FAP: variants seen among roughly 807,000 people sequenced by gnomAD.
FAP encodes the protein fibroblast activation protein alpha, also known as prolyl endopeptidase FAP.
FAP carries 110 observed loss-of-function variants against 126.5 expected under a neutral mutation model. The observed-to-expected ratio is 0.87, with a 90% CI of 0.74 to 1.02. The LOEUF is 1.02. FAP is among the 50% of genes least tolerant of loss of function. FAP has a pLI of 0.00. For missense variants in FAP, 919 were observed against 909.2 expected, an observed-to-expected ratio of 1.01 and a Z score of -0.14; for synonymous variants, 334 against 297.3, an observed-to-expected ratio of 1.12 and a Z score of -1.27.
chr2:162,233,314 C>T (rs534582918), intron 2 of FAP, among the ~76,000 whole-genome samples: 1 of 152,122 alleles, frequency 6.6e-6, no homozygotes, highest in South Asian at 2.1e-4. Context: ...TTAACCAACA[C>T]CCAGGCCTGC....
intron 11 of FAP, among the ~76,000 whole-genome samples, chr2:162,211,228 T>G (rs1276288969): frequency 6.6e-6 from 1 of 152,182 alleles, no homozygotes; most frequent in Non-Finnish European, 1.5e-5. Flanking sequence ...AACTTTGGAA[T>G]AGTGTTGGAA....
chr2:162,207,811 C>T lies in FAP; in HGVS notation c.1047+2141G>A, dbSNP rs184949222. ...CTGCAAGCTCCGCCTCCCAGGTTCA[C>T]GCCATTCTCTTGCCTCAGCCTCCTG... On this transcript the variant is annotated intron_variant, in intron 12 of 25. Coordinates refer to ENST00000188790, the MANE Select transcript of FAP (RefSeq NM_004460.5). 2.8e-3 allele frequency among the ~76,000 whole-genome samples: 417 copies of T among 151,530 alleles called. 5 individuals are homozygous for T. The highest frequency in any genetic ancestry group is 0.024 in the Admixed American group (363 of 15,194).
At chr2:162,233,759 G>A (rs894323582) in intron 2 of FAP, among the ~76,000 whole-genome samples, 3 of 151,836 alleles carry the variant, frequency 2.0e-5, no homozygotes, top group African/African-American at 4.8e-5. Flanking sequence ...TTTGTTTCTT[G>A]CATTTTTGGT....
intron 17 of FAP, among the ~76,000 whole-genome samples, chr2:162,192,794 T>G (rs1688099653): frequency 6.6e-6 from 1 of 152,102 alleles, no homozygotes; most frequent in Non-Finnish European, 1.5e-5. Flanking sequence ...TAAAAAACCA[T>G]TAGTATCAAG....
At chr2:162,178,829 A>G (rs927228047) in intron 21 of FAP, among the ~76,000 whole-genome samples, 3 of 152,198 alleles carry the variant, frequency 2.0e-5, no homozygotes, top group African/African-American at 4.8e-5. Flanking sequence ...ATTCTTCCCT[A>G]ATACAAAACG....
intron 16 of FAP, 117 bp downstream of exon 16, chr2:162,198,640 G>A: frequency 8.0e-7 from 1 of 1,251,186 alleles, no homozygotes; most frequent in East Asian, 2.3e-5. Flanking sequence ...CACAAGATAA[G>A]ATTCTTACAT....
At chr2:162,209,766 T>C (rs1688851839) in intron 12 of FAP, 186 bp downstream of exon 12, 1 of 564,068 alleles carries the variant, frequency 1.8e-6, no homozygotes, top group African/African-American at 1.9e-5. Flanking sequence ...AATAGAATTC[T>C]AAAAAGGACA....
Position 162,198,825 on chromosome 2 carries a change from T to C in FAP, c.1334A>G (p.Lys445Arg), listed in dbSNP as rs1482760217. 1.2e-6 allele frequency: 2 copies of C among 1,613,970 alleles called. No homozygotes were observed. The highest frequency in any genetic ancestry group is 1.7e-6 in the Non-Finnish European group (2 of 1,179,818). The change falls in exon 16 of 26, where the codon AAA (lysine) becomes AGA (arginine). Residue 445 changes from lysine to arginine, a missense_variant. By Grantham distance (26) the Lys-to-Arg change is conservative. Coordinates refer to ENST00000188790, the MANE Select transcript of FAP (RefSeq NM_004460.5). ...TGCTGTGTAATATTGGCACCTTTCT[T>C]TCCTTAGATGGCAAGTAACACACTT... ...SKKCVTCHLR[K>R]ERCQYYTASF... is the part of the protein sequence containing the mutation.
chr2:162,183,282 CTGACTGTTTCCAT>C, intron 21 of FAP, 119 bp downstream of exon 21: 1 of 767,118 alleles, frequency 1.3e-6, no homozygotes, highest in Non-Finnish European at 2.2e-6. Context: ...ATTATCCAAA[CTGACTGTTTCCAT>C]TGACAGATTA....
chr2:162,204,337 G>A (rs865833260), intron 12 of FAP, among the ~76,000 whole-genome samples: 4 of 152,288 alleles, frequency 2.6e-5, no homozygotes, highest in Middle Eastern at 3.4e-3. Flanking sequence ...TTGATGTGAT[G>A]TCTTTAGTGG....
intron 17 of FAP, among the ~76,000 whole-genome samples, chr2:162,192,377 T>A (rs1467139612): frequency 6.6e-6 from 1 of 152,020 alleles, no homozygotes; most frequent in African/African-American, 2.4e-5. Flanking sequence ...CTCCTTGAGC[T>A]CTTCTCCTCC....
chr2:162,191,962 G>A (rs2106231049), intron 17 of FAP, among the ~76,000 whole-genome samples: 1 of 152,172 alleles, frequency 6.6e-6, no homozygotes, highest in Admixed American at 6.6e-5. Flanking sequence ...CACATCACAA[G>A]AGATTAATCC....
At position 162,188,227 on chromosome 2, in the gene FAP, A is replaced by G; in HGVS notation, c.1756T>C (p.Tyr586His). The change falls in exon 20 of 26, where the codon TAT (tyrosine) becomes CAT (histidine). Residue 586 changes from tyrosine (Y) to histidine (H), a missense_variant. Tyr to His is a moderately conservative substitution (Grantham distance 83). Coordinates refer to ENST00000188790, the MANE Select transcript of FAP (RefSeq NM_004460.5). ...GTAFQGDKLL[Y>H]AVYRKLGVYE... Reference sequence around the variant, plus strand: ...ACACCCAGCTTTCGATACACTGCATAGAGGAGTTTGTCACCTTGGAAAGCT... The same window carrying G: ...ACACCCAGCTTTCGATACACTGCATGGAGGAGTTTGTCACCTTGGAAAGCT... 6.2e-7 allele frequency: 1 copy of G among 1,613,370 alleles called. No individual in the cohort carries two copies. The highest frequency in any genetic ancestry group is 1.1e-5 in the South Asian group (1 of 91,052).
intron 12 of FAP, among the ~76,000 whole-genome samples, chr2:162,207,333 G>A (rs1576168189): frequency 6.6e-6 from 1 of 152,162 alleles, no homozygotes; most frequent in Non-Finnish European, 1.5e-5. Flanking sequence ...AATAATTTTT[G>A]ATAATTTCTC....
At chr2:162,206,112 T>A (rs115673896) in intron 12 of FAP, among the ~76,000 whole-genome samples, 500 of 152,316 alleles carry the variant, frequency 3.3e-3, no homozygotes, top group African/African-American at 0.011. Context: ...TTCTCCCCTT[T>A]CATTGCACAC....
Position 162,173,716 on chromosome 2 carries a change from CACTT to C in FAP, c.2034+3_2034+6del, listed in dbSNP as rs1687391607. 2 of 1,569,492 alleles carry C rather than the reference CACTT, an allele frequency of 1.3e-6. No homozygotes were observed. Among genetic ancestry groups the C allele is most frequent in the South Asian group, 1.1e-5 (1 of 89,582 alleles). On this transcript the variant is annotated splice_donor_5th_base_variant and intron_variant, in intron 23 of 25. Transcript: ENST00000188790. The stretch of plus-strand genomic sequence containing the variant: ...ATTATTAACCTAAATAAAATGGAAA[CACTT>C]ACCTTATAGTGCTCAAGATTATCAT...
intron 12 of FAP, 81 bp downstream of exon 12, chr2:162,209,871 G>T: frequency 8.2e-7 from 1 of 1,219,514 alleles, no homozygotes; most frequent in Non-Finnish European, 1.2e-6. Context: ...TGCCAGTTTG[G>T]GTACATTGCA....
chr2:162,202,967 G>C (rs771238787), intron 13 of FAP, 25 bp from the exon 14 acceptor site: 2 of 1,606,566 alleles, frequency 1.2e-6, no homozygotes, highest in South Asian at 2.2e-5. Context: ...ACATTATGTT[G>C]TGTGAAACTG....
chr2:162,180,973 A>G (rs970211853), intron 21 of FAP, among the ~76,000 whole-genome samples: 1 of 152,100 alleles, frequency 6.6e-6, no homozygotes. Context: ...AAAAACACCA[A>G]TACTTAAATA....
Sources: allele counts gnomAD v4.1 joint callset (sites outside exome capture counted in the v4.1 genomes callset), GRCh38; gene constraint gnomAD v4.1.1; transcripts MANE v1.5; gene names NCBI Gene and HGNC (gene_info 2026-07-23, HGNC 2026-07-21).